Variants in DIPK1A observed in about 807,000 individuals in gnomAD.
The protein encoded by DIPK1A is divergent protein kinase domain 1A.
Under a neutral mutation model 40.8 loss-of-function variants are expected in DIPK1A, and 27 were observed. The observed-to-expected ratio is 0.66, with a 90% confidence interval of 0.49 to 0.91. DIPK1A has a LOEUF of 0.91. Ranked by LOEUF, DIPK1A falls within the 40% of genes least tolerant of loss-of-function variation. The pLI is 0.00. For missense variants in DIPK1A, 412 were observed against 505.7 expected (o/e 0.81, Z 1.78); for synonymous variants, 166 against 171.3 (o/e 0.97, Z 0.24).
chr1:92,900,121 T>C (rs1243353105), intron 1 of DIPK1A, among the ~76,000 whole-genome samples: 1 of 152,230 alleles, frequency 6.6e-6, no homozygotes, highest in Non-Finnish European at 1.5e-5. Flanking sequence ...GGTTGAATCT[T>C]TGAGCTTCCT....
At chr1:92,899,566 G>A (rs1386650506) in intron 1 of DIPK1A, among the ~76,000 whole-genome samples, 3 of 152,096 alleles carry the variant, frequency 2.0e-5, no homozygotes, top group Non-Finnish European at 2.9e-5. Flanking sequence ...ATTGATAGGG[G>A]AAAACTCGCT....
chr1:92,961,148 C>A (rs1317192785), intron 1 of DIPK1A, among the ~76,000 whole-genome samples: 2 of 147,678 alleles, frequency 1.4e-5, no homozygotes, highest in Admixed American at 1.4e-4. Context: ...CCCTGGAGCC[C>A]GGCTGGCCGC....
chr1:92,925,910 G>C (rs912691004), intron 1 of DIPK1A, among the ~76,000 whole-genome samples: 1 of 152,078 alleles, frequency 6.6e-6, no homozygotes, highest in Non-Finnish European at 1.5e-5. Flanking sequence ...TTTAGAATTC[G>C]ATTATCTTTT....
chr1:92,955,053 T>C (rs1024092537), intron 1 of DIPK1A, among the ~76,000 whole-genome samples: 1 of 152,152 alleles, frequency 6.6e-6, no homozygotes, highest in African/African-American at 2.4e-5. Flanking sequence ...GAGACGTAAA[T>C]GCATATTACT....
rs1651707608 is a variant in DIPK1A, at chr1:92,953,213, G to C, written c.54+8163C>G. Among the ~76,000 whole-genome samples the C allele has an allele frequency of 3.3e-5, 5 of 150,992 alleles. No homozygotes were observed. The South Asian group carries it at 1.0e-3, about 32-fold the overall frequency. ...GAATAAAAACTAAAACAAGGTATCA[G>C]CTCACGCCCGTGAGAATGGTCACTC... is the stretch of plus-strand genomic sequence containing the variant. On this transcript the variant is annotated intron_variant, in intron 1 of 4. Transcript: ENST00000370310.
intron 2 of DIPK1A, among the ~76,000 whole-genome samples, chr1:92,868,592 CAT>C (rs1271661684): frequency 6.6e-6 from 1 of 152,138 alleles, no homozygotes; most frequent in Non-Finnish European, 1.5e-5. Context: ...ATTGCTATTA[CAT>C]ATGTTTTCAT....
At position 92,836,283 on chromosome 1, in the gene DIPK1A, G is replaced by A. The variant is rs121434406; in HGVS notation, c.475-3249C>T. 148 of 1,614,076 alleles carry A rather than the reference G, an allele frequency of 9.2e-5. No homozygotes were observed. The Middle Eastern group carries it at 3.1e-3, about 34-fold the overall frequency. ...TGTGGAAAGCATTGATGGTCAGCCA[G>A]GTGCCTTCACCTGCTATTTGGATGC... On this transcript the variant is annotated intron_variant, in intron 4 of 4. Coordinates refer to the DIPK1A transcript ENST00000615519.
intron 1 of DIPK1A, among the ~76,000 whole-genome samples, chr1:92,926,564 C>G (rs1450075695): frequency 6.6e-6 from 1 of 152,146 alleles, no homozygotes; most frequent in East Asian, 1.9e-4. Flanking sequence ...TATATCTGTA[C>G]AGACTTTTGG....
At chr1:92,834,888 G>A (rs984455678) in intron 4 of DIPK1A, 2 of 1,602,744 alleles carry the variant, frequency 1.2e-6, no homozygotes, top group Non-Finnish European at 1.7e-6. Flanking sequence ...GCAGCATATT[G>A]TACTGGCCTG....
chr1:92,872,327 C>T (rs1299198254), intron 2 of DIPK1A, among the ~76,000 whole-genome samples: 1 of 151,854 alleles, frequency 6.6e-6, no homozygotes, highest in African/African-American at 2.4e-5. Flanking sequence ...AGTGATCTGC[C>T]CACCTTGGCC....
In DIPK1A at chr1:92,918,400, C is replaced by A. The variant is rs529943008; in HGVS notation, c.55-41970G>T. On this transcript the variant is annotated intron_variant, in intron 1 of 4. Transcript: ENST00000370310. Reference sequence around the variant, plus strand: ...TTCACCTCAGGTGATGCGCCTGCCTCAGCCTCCCAAAATGCTGGGATTACA... The same window carrying A: ...TTCACCTCAGGTGATGCGCCTGCCTAAGCCTCCCAAAATGCTGGGATTACA... Among the ~76,000 whole-genome samples, 22 of 152,318 alleles carry A rather than the reference C, an allele frequency of 1.4e-4. 2 individuals are homozygous for A. The East Asian group carries it at 3.7e-3, about 25-fold the overall frequency.
chr1:92,836,915 C>T (rs961101826), intron 4 of DIPK1A: 18 of 221,732 alleles, frequency 8.1e-5, no homozygotes, highest in Admixed American at 1.6e-4. Flanking sequence ...TGAGTCTGTG[C>T]ATCTTGATTT....
At chr1:92,946,925 C>T (rs1651387557) in intron 1 of DIPK1A, among the ~76,000 whole-genome samples, 1 of 137,180 alleles carries the variant, frequency 7.3e-6, no homozygotes. Context: ...GCCTGGGTGA[C>T]AGAGTGAGAC....
intron 1 of DIPK1A, among the ~76,000 whole-genome samples, chr1:92,959,902 ACTTTT>A (rs1444318007): frequency 0.03 from 1,292 of 43,040 alleles, 77 homozygotes; most frequent in South Asian, 0.13. Flanking sequence ...CACCCAACCA[ACTTTT>A]TTTTTTTTTT....
intron 4 of DIPK1A, chr1:92,836,853 A>C (rs972309939): frequency 3.4e-5 from 7 of 205,220 alleles, no homozygotes; most frequent in African/African-American, 1.7e-4. Flanking sequence ...CATTTTGGGA[A>C]GTTAAGTAGG....
At chr1:92,833,275 C>A in intron 4 of DIPK1A, 1 of 851,352 alleles carries the variant, frequency 1.2e-6, no homozygotes, top group Non-Finnish European at 1.9e-6. Context: ...CTACAAGTGA[C>A]AGTTGTCTGT....
At chr1:92,921,863 G>A (rs1650282614) in intron 1 of DIPK1A, among the ~76,000 whole-genome samples, 2 of 152,288 alleles carry the variant, frequency 1.3e-5, no homozygotes, top group South Asian at 4.1e-4. Context: ...AAGCCCTCAA[G>A]CTTGAAGGTC....
intron 1 of DIPK1A, among the ~76,000 whole-genome samples, chr1:92,877,334 G>A (rs192999780): frequency 2.6e-5 from 4 of 152,310 alleles, no homozygotes; most frequent in Non-Finnish European, 2.9e-5. Flanking sequence ...TGAGGACTAC[G>A]AAGAGAATTC....
chr1:92,938,990 T>A (rs1270299517), intron 1 of DIPK1A, among the ~76,000 whole-genome samples: 1 of 150,130 alleles, frequency 6.7e-6, no homozygotes, highest in Non-Finnish European at 1.5e-5. Context: ...AACCTCTGCA[T>A]CTCGGATTTA....
Sources: allele counts gnomAD v4.1 joint callset (sites outside exome capture counted in the v4.1 genomes callset), GRCh38; gene constraint gnomAD v4.1.1; transcripts MANE v1.5; gene names NCBI Gene and HGNC (gene_info 2026-07-23, HGNC 2026-07-21).